The following ZNF609 variants were observed in gnomAD, a reference collection of about 807,000 sequenced individuals.
ZNF609 encodes zinc finger protein 609.
A neutral mutation model predicts 109.5 loss-of-function variants in ZNF609; 11 were observed. The observed-to-expected ratio is 0.10, with a 90% confidence interval of 0.06 to 0.17. The LOEUF (loss-of-function observed/expected upper bound fraction) is 0.17, where lower values mean the gene tolerates loss of function less well. Among genes scored for constraint, ZNF609 ranks in the 10% least tolerant of loss-of-function variants. ZNF609 has a pLI of 1.00. For missense variants in ZNF609, 1,559 were observed against 1,772.4 expected, an observed-to-expected ratio of 0.88 and a Z score of 2.16; for synonymous variants, 646 against 662.0, an observed-to-expected ratio of 0.98 and a Z score of 0.37.
chr15:64,465,075 G>A (rs1427675698), intron 1 of ZNF609, among the ~76,000 whole-genome samples: 1 of 152,132 alleles, frequency 6.6e-6, no homozygotes, highest in Non-Finnish European at 1.5e-5. Flanking sequence ...TTGTATTTAT[G>A]GGAGTTCTGG....
chr15:64,542,766 C>G (rs1195665118), intron 2 of ZNF609, among the ~76,000 whole-genome samples: 2 of 152,166 alleles, frequency 1.3e-5, no homozygotes, highest in African/African-American at 4.8e-5. Flanking sequence ...TCTCTCCATC[C>G]CCACTTTCTC....
intron 2 of ZNF609, among the ~76,000 whole-genome samples, chr15:64,520,271 G>T (rs1893872638): frequency 1.3e-5 from 2 of 152,056 alleles, no homozygotes; most frequent in African/African-American, 2.4e-5. Context: ...TTTATTGTAG[G>T]ATGTTTCACA....
At chr15:64,576,552 T>C (rs1894956011) in intron 2 of ZNF609, among the ~76,000 whole-genome samples, 1 of 152,094 alleles carries the variant, frequency 6.6e-6, no homozygotes, top group Admixed American at 6.6e-5. Context: ...CCATGCCCTA[T>C]TCTAGAAAGC....
At chr15:64,672,052 G>C (rs1325295584) in intron 4 of ZNF609, among the ~76,000 whole-genome samples, 1 of 124,284 alleles carries the variant, frequency 8.0e-6, no homozygotes, top group Non-Finnish European at 1.6e-5. Flanking sequence ...TCGCTCTGTC[G>C]CCCAGGCTGG....
rs144619489 is a variant in ZNF609 at position 64,638,767 on chromosome 15, C to T, written c.973+15715C>T. Among the ~76,000 whole-genome samples, 692 of 152,132 alleles carry T rather than the reference C, an allele frequency of 4.5e-3. 5 individuals carry two copies. Among genetic ancestry groups the T allele is most frequent in the African/African-American group, 0.016 (644 of 41,496 alleles). On this transcript the variant is annotated intron_variant, in intron 3 of 9. Transcript: ENST00000326648. ...AAAATTAGCCAGGCTTGGTTGCAAG[C>T]GCCTGTGGTCTCAGCTACTTGGAAG... is the stretch of plus-strand genomic sequence containing the variant.
intron 2 of ZNF609, among the ~76,000 whole-genome samples, chr15:64,521,537 A>G (rs1893890936): frequency 6.6e-6 from 1 of 152,046 alleles, no homozygotes; most frequent in Non-Finnish European, 1.5e-5. Context: ...AAATGATTGG[A>G]TACTGATTGT....
chr15:64,594,143 C>G (rs939569093), intron 2 of ZNF609, among the ~76,000 whole-genome samples: 27 of 152,262 alleles, frequency 1.8e-4, no homozygotes, highest in Admixed American at 5.2e-4. Context: ...ACTCCCAGAG[C>G]CAGGTAGCTG....
chr15:64,591,165 C>T (rs189474764), intron 2 of ZNF609, among the ~76,000 whole-genome samples: 16 of 152,222 alleles, frequency 1.1e-4, no homozygotes, highest in Non-Finnish European at 2.2e-4. Context: ...TGCAGTGGCT[C>T]ACGCCTGCAA....
At chr15:64,663,594 ACATGAAGTAC>A (rs1461849820) in intron 3 of ZNF609, among the ~76,000 whole-genome samples, 1 of 152,164 alleles carries the variant, frequency 6.6e-6, no homozygotes, top group African/African-American at 2.4e-5. Flanking sequence ...CATCAGCTAC[ACATGAAGTAC>A]CAGCAAAAGA....
chr15:64,487,167 TC>T (rs1893344937), intron 1 of ZNF609, among the ~76,000 whole-genome samples: 1 of 152,170 alleles, frequency 6.6e-6, no homozygotes, highest in Non-Finnish European at 1.5e-5. Context: ...TTTCAGACTC[TC>T]CAACAGATCT....
At chr15:64,576,995 T>TACATATATATATGTATATATACAC (rs1173382358) in intron 2 of ZNF609, among the ~76,000 whole-genome samples, 4 of 131,280 alleles carry the variant, frequency 3.0e-5, no homozygotes, top group African/African-American at 1.1e-4. Context: ...TGTATACACA[T>TACATATATATATGTATATATACAC]AAATATATAT....
chr15:64,477,817 C>T (rs777317536), intron 1 of ZNF609, among the ~76,000 whole-genome samples: 5 of 151,888 alleles, frequency 3.3e-5, no homozygotes, highest in East Asian at 1.9e-4. Flanking sequence ...TTGGTAGAAA[C>T]GGGGTTTTAC....
At chr15:64,491,586 C>G (rs960542617) in intron 1 of ZNF609, among the ~76,000 whole-genome samples, 1 of 151,656 alleles carries the variant, frequency 6.6e-6, no homozygotes, top group Non-Finnish European at 1.5e-5. Context: ...TGGTGGCTCA[C>G]GCCTGTAATC....
At chr15:64,552,205 G>A (rs1364819112) in intron 2 of ZNF609, among the ~76,000 whole-genome samples, 2 of 151,950 alleles carry the variant, frequency 1.3e-5, no homozygotes, top group Non-Finnish European at 2.9e-5. Context: ...TTCGTTAATG[G>A]GTCATGCTTT....
At chr15:64,573,781 T>C (rs1894902912) in intron 2 of ZNF609, among the ~76,000 whole-genome samples, 1 of 152,164 alleles carries the variant, frequency 6.6e-6, no homozygotes, top group African/African-American at 2.4e-5. Context: ...TCTTTCAAAC[T>C]CTGTGCAAGG....
At chr15:64,545,279 A>C (rs1260181052) in intron 2 of ZNF609, among the ~76,000 whole-genome samples, 1 of 151,682 alleles carries the variant, frequency 6.6e-6, no homozygotes, top group African/African-American at 2.4e-5. Context: ...GCTCATTGCA[A>C]CCTTCGTCTC....
chr15:64,586,901 G>C (rs1895208282), intron 2 of ZNF609, among the ~76,000 whole-genome samples: 1 of 152,188 alleles, frequency 6.6e-6, no homozygotes, highest in Admixed American at 6.5e-5. Context: ...CATACAGAGA[G>C]ACAGCTGTAA....
intron 3 of ZNF609, among the ~76,000 whole-genome samples, chr15:64,625,096 A>T (rs936111919): frequency 3.3e-5 from 5 of 152,130 alleles, no homozygotes; most frequent in Non-Finnish European, 5.9e-5. Flanking sequence ...TTTATTTCAT[A>T]GCACACATCA....
chr15:64,678,593 G>T, intron 6 of ZNF609, 111 bp downstream of exon 6: 1 of 1,453,472 alleles, frequency 6.9e-7, no homozygotes, highest in Non-Finnish European at 9.2e-7. Flanking sequence ...GGCTCGCTTA[G>T]ATGACGGACC....
Sources: gnomAD v4.1 joint callset for allele counts (sites outside exome capture counted in the v4.1 genomes callset) on GRCh38, gnomAD v4.1.1 for gene constraint, MANE v1.5 for transcripts, NCBI Gene and HGNC (gene_info 2026-07-23, HGNC 2026-07-21) for gene names.